Variants in IQCC observed in about 807,000 individuals in gnomAD.
IQCC encodes IQ motif containing C, also known as IQ domain-containing protein C.
Under a neutral mutation model 27.0 loss-of-function variants are expected in IQCC, and 23 were observed. That is an observed-to-expected ratio of 0.85 (90% confidence interval 0.61 to 1.21). The LOEUF (loss-of-function observed/expected upper bound fraction) is 1.21, where lower values mean the gene tolerates loss of function less well. Among genes scored for constraint, IQCC ranks in the 50% most tolerant of loss-of-function variants. IQCC has a pLI of 0.00. For synonymous variants in IQCC, 220 were observed against 217.2 expected, an observed-to-expected ratio of 1.01 and a Z score of -0.11; for missense variants, 552 against 562.3, an observed-to-expected ratio of 0.98 and a Z score of 0.19.
chr1:32,206,028 C>T (rs1643321271), intron 1 of IQCC, 126 bp from the exon 2 acceptor site: 11 of 1,597,134 alleles, frequency 6.9e-6, no homozygotes, highest in South Asian at 6.7e-5. Flanking sequence ...GCACAGCCCA[C>T]CTATCCTTTC....
Position 32,208,346 on chromosome 1 carries a change from C to G in IQCC, c.*264C>G. The G allele has an allele frequency of 1.1e-5, 4 of 375,642 alleles. No individual in the cohort carries two copies. The highest frequency in any genetic ancestry group is 1.9e-5 in the Non-Finnish European group (4 of 208,504). The allele number at this position is 375,642 out of a possible 1,614,324, so 23.3% of individuals were successfully genotyped here. A position where few individuals can be genotyped will look rare whatever the true frequency, so the allele number is the denominator to read the frequency against. ...GGGTGCAGTGGCTCACACCTGTAAT[C>G]CCAGCACTTTGGGAGGCCAAGGTGA... On this transcript the variant is annotated 3_prime_UTR_variant, in exon 5 of 5. Transcript: ENST00000291358.
intron 3 of IQCC, 118 bp downstream of exon 3, chr1:32,206,879 C>T (rs564999455): frequency 4.1e-5 from 59 of 1,430,164 alleles, no homozygotes; most frequent in African/African-American, 9.9e-5. Context: ...TTCCCTCTGC[C>T]GGGATAGGGC....
At position 32,207,680 on chromosome 1, in the gene IQCC, T is replaced by C. The variant is rs761130142; in HGVS notation, c.999T>C (p.His333=). ...QTPRGLKPRN[H]CPRKSRTQLS... is the part of the protein sequence containing the mutation. ...CCAGAGGTTTAAAACCTAGGAACCA[T>C]TGTCCCAGGAAGTCCAGGACACAGC... Residue 333 remains histidine (H), a synonymous_variant, in exon 5 of 5, where the codon CAT becomes CAC. Transcript: ENST00000291358. 4 of 1,613,894 alleles carry C rather than the reference T, an allele frequency of 2.5e-6. No homozygotes were observed. Among genetic ancestry groups the C allele is most frequent in the East Asian group, 2.2e-5 (1 of 44,894 alleles).
chr1:32,208,005 C>T lies in IQCC; in HGVS notation c.1324C>T (p.Leu442=), dbSNP rs756496848. ...ATGGAGATCAAAGTCACCTGAGATT[C>T]TGTCTTCTACAAAGGCAGGCTGTAC... ...IPWRSKSPEI[L]SSTKAGCTGE... is the part of the protein sequence containing the mutation. The change falls in exon 5 of 5, where the codon CTG becomes TTG. Residue 442 remains leucine, a synonymous_variant. Coordinates refer to ENST00000291358, the MANE Select transcript of IQCC (RefSeq NM_018134.3). The T allele has an allele frequency of 6.2e-7, 1 of 1,614,198 alleles. No homozygotes were observed. The highest frequency in any genetic ancestry group is 1.1e-5 in the South Asian group (1 of 91,086).
chr1:32,205,943 G>T lies in IQCC; in HGVS notation c.43-211G>T. 6.4e-7 allele frequency: 1 copy of T among 1,552,310 alleles called. No individual in the cohort carries two copies. Among genetic ancestry groups the T allele is most frequent in the Non-Finnish European group, 8.7e-7 (1 of 1,147,560 alleles). ...CCACCACACGCTCGCGCCGGATCAG[G>T]GAAACGGGAAGAGCCTTAAGGCGAG... On this transcript the variant is annotated intron_variant, in intron 1 of 4. Coordinates refer to ENST00000291358, the MANE Select transcript of IQCC (RefSeq NM_018134.3). The surrounding 1 kb of genome is among the most constrained non-coding windows in gnomAD (Gnocchi z 5.6).
Position 32,205,958 on chromosome 1 carries a change from C to CT in IQCC, c.43-194dup, listed in dbSNP as rs528383763. 491 of 1,553,372 alleles carry CT rather than the reference C, an allele frequency of 3.2e-4. 2 individuals are homozygous for CT. The South Asian group carries it at 5.4e-3, about 17-fold the overall frequency. On this transcript the variant is annotated intron_variant, in intron 1 of 4. Coordinates refer to ENST00000291358, the MANE Select transcript of IQCC (RefSeq NM_018134.3). This position sits in a 1 kb window ranked among gnomAD's most constrained non-coding sequence, Gnocchi z 5.6. The stretch of plus-strand genomic sequence containing the variant: ...GCCGGATCAGGGAAACGGGAAGAGC[C>CT]TTAAGGCGAGGAGGGGCATCCAGTC...
Position 32,206,590 on chromosome 1 carries a change from G to C in IQCC, c.268G>C (p.Glu90Gln), listed in dbSNP as rs977629343. 7 of 1,614,128 alleles carry C rather than the reference G, an allele frequency of 4.3e-6. No individual in the cohort carries two copies. In the African/African-American group the frequency reaches 8.0e-5, roughly 18 times the overall value. ...EQGLWNHFPC[E>Q]ESEGEATWEE... ...GGGGCTGTGGAACCACTTCCCATGT[G>C]AAGAGTCTGAGGGAGAGGCCACCTG... Residue 90 changes from glutamate (E) to glutamine (Q), a missense_variant, in exon 3 of 5, where the codon GAA becomes CAA. Glu to Gln is a conservative substitution (Grantham distance 29). Transcript: ENST00000291358.
Position 32,207,304 on chromosome 1 carries a change from T to C in IQCC, c.623T>C (p.Val208Ala). ...EAGPIREEPR[V>A]FLEHGEQACE... Reference sequence around the variant, plus strand: ...GGCCCGATCAGAGAGGAACCCCGCGTGTTCCTAGAACATGGGGAACAGGCC... The same window carrying C: ...GGCCCGATCAGAGAGGAACCCCGCGCGTTCCTAGAACATGGGGAACAGGCC... The change falls in exon 5 of 5, where the codon GTG becomes GCG. Residue 208 changes from valine (V) to alanine (A), a missense_variant. By Grantham distance (64) the Val-to-Ala change is moderately conservative (BLOSUM62 0). Transcript: ENST00000291358. The C allele has an allele frequency of 1.2e-6, 2 of 1,613,870 alleles. No individual in the cohort carries two copies. Among genetic ancestry groups the C allele is most frequent in the Non-Finnish European group, 1.7e-6 (2 of 1,179,854 alleles).
Position 32,205,758 on chromosome 1 carries a change from C to T in IQCC, c.42+35C>T, listed in dbSNP as rs1643308030. 1.2e-6 allele frequency: 2 copies of T among 1,609,842 alleles called. No homozygotes were observed. Among genetic ancestry groups the T allele is most frequent in the African/African-American group, 1.3e-5 (1 of 75,024 alleles). ...CGGGCGCGGGGTTCACAGGATTTTT[C>T]CTTTAGGGAAATCATGGGGTCTCGT... On this transcript the variant is annotated intron_variant, in intron 1 of 4. Transcript: ENST00000291358. The surrounding 1 kb of genome is among the most constrained non-coding windows in gnomAD (Gnocchi z 5.6).
In IQCC at chr1:32,207,692, G is replaced by A; in HGVS notation, c.1011G>A (p.Lys337=). ...GLKPRNHCPR[K]SRTQLSALYE... ...AACCTAGGAACCATTGTCCCAGGAAGTCCAGGACACAGCTGTCTGCACTCT... is the reference window on the plus strand; with the variant it reads ...AACCTAGGAACCATTGTCCCAGGAAATCCAGGACACAGCTGTCTGCACTCT... Residue 337 remains lysine, a synonymous_variant, in exon 5 of 5, where the codon AAG becomes AAA. Transcript: ENST00000291358. 1 of 1,614,068 alleles carries A rather than the reference G, an allele frequency of 6.2e-7. No homozygotes were observed. Among genetic ancestry groups the A allele is most frequent in the Non-Finnish European group, 8.5e-7 (1 of 1,180,016 alleles).
Position 32,205,908 on chromosome 1 carries a change from G to A in IQCC, c.42+185G>A. 5 of 1,551,330 alleles carry A rather than the reference G, an allele frequency of 3.2e-6. No individual in the cohort carries two copies. Among genetic ancestry groups the A allele is most frequent in the Non-Finnish European group, 4.4e-6 (5 of 1,147,174 alleles). On this transcript the variant is annotated intron_variant, in intron 1 of 4. Transcript: ENST00000291358. This position sits in a 1 kb window ranked among gnomAD's most constrained non-coding sequence, Gnocchi z 5.6. ...GACCCACGGACTCCCTGCCCTGCGC[G>A]TCCCCACTCCCACCACACGCTCGCG...
Position 32,208,202 on chromosome 1 carries a change from G to A in IQCC, c.*120G>A. ...GCTTCTGCTCCTGCCCCTGGCCATT[G>A]GTGACTAGTGGGGCCAAGAGAAGCT... On this transcript the variant is annotated 3_prime_UTR_variant, in exon 5 of 5. Coordinates refer to ENST00000291358, the MANE Select transcript of IQCC (RefSeq NM_018134.3). The A allele has an allele frequency of 1.9e-6, 2 of 1,080,394 alleles. No homozygotes were observed. Among genetic ancestry groups the A allele is most frequent in the South Asian group, 3.5e-5 (2 of 57,766 alleles). 66.9% of individuals were successfully genotyped at this position (1,080,394 alleles called of 1,614,324 possible).
Position 32,206,662 on chromosome 1 carries a change from G to A in IQCC, c.340G>A (p.Gly114Arg), listed in dbSNP as rs1286782846. 3 of 1,614,086 alleles carry A rather than the reference G, an allele frequency of 1.9e-6. No homozygotes were observed. The highest frequency in any genetic ancestry group is 1.3e-5 in the African/African-American group (1 of 74,918). ...GTCAGGAGAGAGCTCAGCAAATCAA[G>A]GAAGCCTCTGCAGAGATCACAGCTC... ...KKSGESSANQ[G>R]SLCRDHSSWL... Residue 114 changes from glycine (G) to arginine (R), a missense_variant, in exon 3 of 5, where the codon GGA (glycine) becomes AGA (arginine). Transcript: ENST00000291358.
chr1:32,206,513 C>T lies in IQCC; in HGVS notation c.191C>T (p.Ala64Val), dbSNP rs185444470. 9 of 1,614,094 alleles carry T rather than the reference C, an allele frequency of 5.6e-6. No individual in the cohort carries two copies. In the East Asian group the frequency reaches 1.8e-4, roughly 32 times the overall value. Residue 64 changes from alanine (A) to valine (V), a missense_variant, in exon 3 of 5, where the codon GCA becomes GTA. Ala to Val is a moderately conservative substitution (Grantham distance 64). Coordinates refer to ENST00000291358, the MANE Select transcript of IQCC (RefSeq NM_018134.3). ...CACATCTCTCTTGTTTCTCAGAAGG[C>T]AAAATCCCATCAGACCTGGAAAGCA... The part of the protein sequence containing the change: ...IPRPRFLPEK[A>V]KSHQTWKAGD...
intron 3 of IQCC, 96 bp downstream of exon 3, chr1:32,206,857 C>T: frequency 6.7e-7 from 1 of 1,493,298 alleles, no homozygotes; most frequent in Admixed American, 1.9e-5. Context: ...TAAGCTGCAT[C>T]CCTTTCCCGT....
In IQCC at chr1:32,207,598, GA is replaced by G. The variant is rs1643405487; in HGVS notation, c.918del (p.Arg306SerfsTer12). On this transcript the variant is annotated frameshift_variant, in exon 5 of 5. Transcript: ENST00000291358. LOFTEE classifies it low-confidence loss of function (END_TRUNC). ...DRLTKGPDDG[R>X]QTFGGTCLLQ... ...CTCACCAAAGGGCCAGACGATGGAA[GA>G]CAGACCTTTGGAGGGACCTGCCTGC... 4 of 1,613,730 alleles carry G rather than the reference GA, an allele frequency of 2.5e-6. No homozygotes were observed. The highest frequency in any genetic ancestry group is 2.5e-6 in the Non-Finnish European group (3 of 1,179,944).
chr1:32,207,903 C>T lies in IQCC; in HGVS notation c.1222C>T (p.Pro408Ser). ...WRTKPPKGQA[P>S]TDRSSRDGTS... Reference sequence around the variant, plus strand: ...GACTAAACCACCCAAAGGCCAGGCCCCCACTGATAGAAGCTCCAGAGATGG... The same window carrying T: ...GACTAAACCACCCAAAGGCCAGGCCTCCACTGATAGAAGCTCCAGAGATGG... The change falls in exon 5 of 5, where the codon CCC becomes TCC. Residue 408 changes from proline (P) to serine (S), a missense_variant. Coordinates refer to ENST00000291358, the MANE Select transcript of IQCC (RefSeq NM_018134.3). 1.9e-6 allele frequency: 3 copies of T among 1,614,080 alleles called. No individual in the cohort carries two copies. The highest frequency in any genetic ancestry group is 3.3e-4 in the Middle Eastern group (2 of 6,062).
Position 32,208,119 on chromosome 1 carries a change from G to A in IQCC, c.*37G>A. 1 of 1,532,798 alleles carries A rather than the reference G, an allele frequency of 6.5e-7. No homozygotes were observed. The highest frequency in any genetic ancestry group is 1.2e-5 in the South Asian group (1 of 81,152). The allele number at this position is 1,532,798 out of a possible 1,614,324, so 94.9% of individuals were successfully genotyped here. A position where few individuals can be genotyped will look rare whatever the true frequency, so the allele number is the denominator to read the frequency against. On this transcript the variant is annotated 3_prime_UTR_variant, in exon 5 of 5. Coordinates refer to ENST00000291358, the MANE Select transcript of IQCC (RefSeq NM_018134.3). ...CCAGGAGAGGATCAGGTTCCAAAGGGGAATGCTATGAAAGGGCAGTGAGAC... is the reference window on the plus strand; with the variant it reads ...CCAGGAGAGGATCAGGTTCCAAAGGAGAATGCTATGAAAGGGCAGTGAGAC...
chr1:32,206,719 A>G lies in IQCC; in HGVS notation c.397A>G (p.Ser133Gly). The change falls in exon 3 of 5, where the codon AGC becomes GGC. Residue 133 changes from serine (S) to glycine (G), a missense_variant. Transcript: ENST00000291358. Reference sequence around the variant, plus strand: ...TCAGATGAAGCAGAACAGGAAACCCAGCCAAGAGAAGACCAGAGACACGAC... The same window carrying G: ...TCAGATGAAGCAGAACAGGAAACCCGGCCAAGAGAAGACCAGAGACACGAC... ...WLQMKQNRKP[S>G]QEKTRDTTRM... 1 of 1,614,218 alleles carries G rather than the reference A, an allele frequency of 6.2e-7. No homozygotes were observed. Among genetic ancestry groups the G allele is most frequent in the East Asian group, 2.2e-5 (1 of 44,892 alleles).
Sources: allele counts gnomAD v4.1 joint callset, GRCh38; gene constraint gnomAD v4.1.1; non-coding constraint Gnocchi (gnomAD v3.1); transcripts MANE v1.5; gene names NCBI Gene and HGNC (gene_info 2026-07-23, HGNC 2026-07-21).